The following TECRL variants were observed in gnomAD, a reference collection of about 807,000 sequenced individuals.
TECRL encodes the protein trans-2,3-enoyl-CoA reductase-like.
Under a neutral mutation model 52.8 loss-of-function variants are expected in TECRL, and 63 were observed. The observed-to-expected ratio is 1.19, with a 90% CI of 0.97 to 1.47. The LOEUF is 1.47. TECRL is among the 40% of genes most tolerant of loss of function. The probability of loss-of-function intolerance (pLI) is 0.00; values close to 1 mark genes in which losing one functional copy is unlikely to be tolerated. For missense variants in TECRL, 482 were observed against 429.6 expected (o/e 1.12, Z -1.08); for synonymous variants, 164 against 141.9 (o/e 1.16, Z -1.10).
chr4:64,322,344 T>G (rs896525089), intron 4 of TECRL, among the ~76,000 whole-genome samples: 5 of 151,860 alleles, frequency 3.3e-5, no homozygotes, highest in East Asian at 3.9e-4. Context: ...TTGGCAATAC[T>G]TGTCATCACC....
chr4:64,395,984 G>A (rs1252369990), intron 1 of TECRL, among the ~76,000 whole-genome samples: 5 of 152,128 alleles, frequency 3.3e-5, no homozygotes, highest in Admixed American at 3.3e-4. Flanking sequence ...CTTCTTCCAT[G>A]TTGCTACAAA....
At chr4:64,345,659 C>T (rs2109548481) in intron 2 of TECRL, among the ~76,000 whole-genome samples, 1 of 151,334 alleles carries the variant, frequency 6.6e-6, no homozygotes, top group East Asian at 2.0e-4. Context: ...ATGTAACTAA[C>T]CTGCATGTTG....
At chr4:64,310,212 G>A (rs1560488011) in intron 5 of TECRL, among the ~76,000 whole-genome samples, 1 of 152,112 alleles carries the variant, frequency 6.6e-6, no homozygotes, top group Non-Finnish European at 1.5e-5. Context: ...ACCTGTCCCA[G>A]GAGTGGGTAT....
In TECRL at chr4:64,314,785, G is replaced by C. The variant is rs1372301718; in HGVS notation, c.436-22C>G. 4.7e-6 allele frequency: 7 copies of C among 1,491,596 alleles called. No homozygotes were observed. In the African/African-American group the frequency reaches 6.9e-5, roughly 15 times the overall value. 92.4% of individuals were successfully genotyped at this position (1,491,596 alleles called of 1,614,324 possible). A position where few individuals can be genotyped will look rare whatever the true frequency, so the allele number is the denominator to read the frequency against. ...ACACCTGAAAATAAAACATGATTTA[G>C]ATTAAACGATAAAAATAGATGTTTT... On this transcript the variant is annotated intron_variant, in intron 4 of 11. Transcript: ENST00000381210.
At chr4:64,372,995 C>A (rs980075466) in intron 2 of TECRL, among the ~76,000 whole-genome samples, 2 of 151,506 alleles carry the variant, frequency 1.3e-5, no homozygotes, top group Admixed American at 6.6e-5. Context: ...GAGAGAAGTT[C>A]TTTTTACTAA....
intron 9 of TECRL, among the ~76,000 whole-genome samples, chr4:64,284,824 G>GT (rs1360523996): frequency 1.3e-5 from 2 of 152,198 alleles, no homozygotes; most frequent in South Asian, 4.1e-4. Context: ...GAGACAGCTG[G>GT]TGCAATGTCA....
At chr4:64,336,846 A>T (rs1719126022) in intron 2 of TECRL, among the ~76,000 whole-genome samples, 5 of 152,188 alleles carry the variant, frequency 3.3e-5, no homozygotes. Context: ...CCTGAGTTCT[A>T]GTTTGATTGC....
At chr4:64,302,838 C>T (rs2109980977) in intron 7 of TECRL, among the ~76,000 whole-genome samples, 1 of 151,428 alleles carries the variant, frequency 6.6e-6, no homozygotes, top group African/African-American at 2.4e-5. Context: ...ATTATACCTG[C>T]TTTGCTGAAA....
chr4:64,369,696 G>T (rs1230303800), intron 2 of TECRL, among the ~76,000 whole-genome samples: 1 of 151,758 alleles, frequency 6.6e-6, no homozygotes, highest in Admixed American at 6.6e-5. Context: ...TTTCTTTAAA[G>T]ATTTTTATCT....
intron 4 of TECRL, 55 bp from the exon 5 acceptor site, chr4:64,314,818 C>T: frequency 1.6e-6 from 2 of 1,289,174 alleles, no homozygotes; most frequent in African/African-American, 1.5e-5. Flanking sequence ...TTTTAAGGTT[C>T]ATTTGTGTCT....
chr4:64,291,764 G>C (rs1483765159), intron 8 of TECRL, among the ~76,000 whole-genome samples: 1 of 151,710 alleles, frequency 6.6e-6, no homozygotes, highest in African/African-American at 2.4e-5. Flanking sequence ...TTTTTCATTA[G>C]GTGAAACTGT....
intron 9 of TECRL, among the ~76,000 whole-genome samples, chr4:64,287,342 A>G (rs1222278374): frequency 6.6e-6 from 1 of 152,112 alleles, no homozygotes; most frequent in Admixed American, 6.6e-5. Flanking sequence ...TAATAAAATA[A>G]TTTTCCCTTG....
In TECRL at chr4:64,280,155, C is replaced by A; in HGVS notation, c.1009G>T (p.Ala337Ser). The A allele has an allele frequency of 6.3e-7, 1 of 1,598,270 alleles. No homozygotes were observed. Among genetic ancestry groups the A allele is most frequent in the Non-Finnish European group, 8.5e-7 (1 of 1,172,760 alleles). ...LLMSIQMSLWAQKKHKIYLRK... is the reference protein window; with the variant it reads ...LLMSIQMSLWSQKKHKIYLRK... ...AGATAAATCTTATGTTTCTTTTGTG[C>A]CCACAAAGACATCTGGATACTCATC... The change falls in exon 12 of 12, where the codon GCA (alanine) becomes TCA (serine). Residue 337 changes from alanine to serine, a missense_variant. Transcript: ENST00000381210.
At chr4:64,406,246 A>C (rs1724720560) in intron 1 of TECRL, among the ~76,000 whole-genome samples, 1 of 151,694 alleles carries the variant, frequency 6.6e-6, no homozygotes, top group Admixed American at 6.6e-5. Flanking sequence ...CTTTTCTCAA[A>C]ATTTTTATCT....
intron 4 of TECRL, among the ~76,000 whole-genome samples, chr4:64,315,493 GTATT>G (rs1560493132): frequency 6.6e-6 from 1 of 152,034 alleles, no homozygotes; most frequent in Admixed American, 6.5e-5. Context: ...TTCCTCTGAA[GTATT>G]TAGACAGATA....
At chr4:64,291,825 A>G (rs1035845582) in intron 8 of TECRL, among the ~76,000 whole-genome samples, 17 of 151,952 alleles carry the variant, frequency 1.1e-4, no homozygotes, top group Admixed American at 6.6e-5. Context: ...TGAGAGAGAA[A>G]GGTAGAAAAA....
chr4:64,298,985 T>C (rs1223774969), intron 8 of TECRL: 1 of 151,098 alleles, frequency 6.6e-6, no homozygotes, highest in Non-Finnish European at 1.5e-5. Flanking sequence ...AATTGGAAAA[T>C]TACAAGGCTG....
chr4:64,283,414 C>T (rs1468286148), intron 9 of TECRL, among the ~76,000 whole-genome samples: 2 of 151,988 alleles, frequency 1.3e-5, no homozygotes, highest in Admixed American at 6.6e-5. Context: ...GCAATGAGTA[C>T]TCCATAGCTG....
intron 8 of TECRL, among the ~76,000 whole-genome samples, chr4:64,298,396 G>A (rs377332117): frequency 6.6e-6 from 1 of 151,100 alleles, no homozygotes; most frequent in African/African-American, 2.4e-5. Flanking sequence ...AGCTTTATAA[G>A]AAAGCAGAAT....
Sources: gnomAD v4.1 joint callset for allele counts (sites outside exome capture counted in the v4.1 genomes callset) on GRCh38, gnomAD v4.1.1 for gene constraint, MANE v1.5 for transcripts, NCBI Gene and HGNC (gene_info 2026-07-23, HGNC 2026-07-21) for gene names.